Variants in CNBD2 observed in about 807,000 individuals in gnomAD.
CNBD2 encodes cyclic nucleotide-binding domain-containing protein 2.
A neutral mutation model predicts 63.7 loss-of-function variants in CNBD2; 64 were observed. That is an observed-to-expected ratio of 1.00 (90% confidence interval 0.82 to 1.24). The LOEUF (loss-of-function observed/expected upper bound fraction) is 1.24, where lower values mean the gene tolerates loss of function less well. CNBD2 is among the 50% of genes most tolerant of loss of function. The pLI is 0.00. For missense variants in CNBD2, 691 were observed against 713.5 expected (o/e 0.97, Z 0.36); for synonymous variants, 229 against 255.4 (o/e 0.90, Z 0.99).
At chr20:36,008,531 A>G in intron 9 of CNBD2, 57 bp downstream of exon 9, 2 of 1,504,860 alleles carry the variant, frequency 1.3e-6, no homozygotes, top group Non-Finnish European at 1.8e-6. Context: ...AAGGGAGATA[A>G]TACTTATATG....
intron 11 of CNBD2, among the ~76,000 whole-genome samples, chr20:36,026,079 G>A (rs1379822017): frequency 6.6e-6 from 1 of 152,042 alleles, no homozygotes; most frequent in Non-Finnish European, 1.5e-5. Flanking sequence ...TGTCATCCAG[G>A]CTGGCATGCT....
intron 10 of CNBD2, among the ~76,000 whole-genome samples, chr20:36,020,636 C>T (rs2147361213): frequency 6.6e-6 from 1 of 152,298 alleles, no homozygotes; most frequent in South Asian, 2.1e-4. Context: ...TTTTCCACAT[C>T]TGAGGATAAC....
chr20:35,996,220 A>T (rs2056822498), intron 8 of CNBD2, among the ~76,000 whole-genome samples: 1 of 152,176 alleles, frequency 6.6e-6, no homozygotes, highest in Admixed American at 6.5e-5. Flanking sequence ...CCTTGCTAGA[A>T]TATAAGCTCT....
chr20:35,994,589 G>GAA lies in CNBD2; in HGVS notation c.856-439_856-438dup, dbSNP rs1217876629. ...ACATTTTCATTTAAAAAAAAAAAAAGAAAAAAAAAAAGCACCAGGCTGGGC... is the reference window on the plus strand; with the variant it reads ...ACATTTTCATTTAAAAAAAAAAAAAGAAAAAAAAAAAAAGCACCAGGCTGGGC... On this transcript the variant is annotated intron_variant, in intron 7 of 11. Transcript: ENST00000373973. Among the ~76,000 whole-genome samples the GAA allele has an allele frequency of 4.1e-3, 537 of 132,446 alleles. 4 individuals carry two copies. The highest frequency in any genetic ancestry group is 0.014 in the African/African-American group (514 of 36,144). 86.9% of individuals were successfully genotyped at this position (132,446 alleles called of 152,430 possible).
At chr20:36,023,296 G>A (rs537629212) in intron 10 of CNBD2, among the ~76,000 whole-genome samples, 2 of 152,110 alleles carry the variant, frequency 1.3e-5, no homozygotes, top group African/African-American at 4.8e-5. Flanking sequence ...AGACCGAGGC[G>A]GGTAGATCAC....
chr20:35,971,192 C>G (rs1003872413), intron 1 of CNBD2, among the ~76,000 whole-genome samples: 7 of 152,056 alleles, frequency 4.6e-5, no homozygotes, highest in African/African-American at 1.7e-4. Flanking sequence ...CGTGATCCGC[C>G]CGCCTCGGCC....
Position 35,975,349 on chromosome 20 carries a change from G to A in CNBD2, c.190-600G>A, listed in dbSNP as rs1485807130. 7.6e-5 allele frequency among the ~76,000 whole-genome samples: 9 copies of A among 117,846 alleles called. 1 individual carries two copies. Among genetic ancestry groups the A allele is most frequent in the Non-Finnish European group, 1.8e-5 (1 of 55,062 alleles). 77.3% of individuals were successfully genotyped at this position (117,846 alleles called of 152,430 possible). ...GGAGTCTTGCTCTGTTGCCCAGGCT[G>A]GAGTGCAGTGGCGCGATCTCGGCTC... On this transcript the variant is annotated intron_variant, in intron 2 of 11. Coordinates refer to ENST00000373973, the MANE Select transcript of CNBD2 (RefSeq NM_001365709.1).
downstream of CNBD2, among the ~76,000 whole-genome samples, chr20:35,955,588 TA>T (rs1423923236): frequency 1.3e-5 from 2 of 152,154 alleles, no homozygotes; most frequent in Non-Finnish European, 2.9e-5. Flanking sequence ...TTGTTTTTAT[TA>T]GGTAAACTGC....
intron 8 of CNBD2, among the ~76,000 whole-genome samples, chr20:36,001,726 G>C (rs8123275): frequency 0.049 from 7,373 of 150,390 alleles, 188 homozygotes; most frequent in South Asian, 0.19. Flanking sequence ...ACGGGGTCGC[G>C]GCCGGGTAGA....
intron 1 of CNBD2, 127 bp from the exon 2 acceptor site, chr20:35,972,502 C>CCAGCACACTA: frequency 3.4e-6 from 3 of 883,998 alleles, no homozygotes; most frequent in South Asian, 3.3e-5. Flanking sequence ...AACCATCACT[C>CCAGCACACTA]CAGCACACTA....
intron 3 of CNBD2, among the ~76,000 whole-genome samples, chr20:35,977,157 G>C (rs1050952637): frequency 1.3e-5 from 2 of 152,180 alleles, no homozygotes; most frequent in African/African-American, 4.8e-5. Flanking sequence ...CTAGATATGA[G>C]GGCAATTCTG....
intron 7 of CNBD2, among the ~76,000 whole-genome samples, chr20:35,989,453 A>C (rs769550682): frequency 1.3e-5 from 2 of 152,124 alleles, no homozygotes; most frequent in Non-Finnish European, 2.9e-5. Flanking sequence ...ATTGGTGCAA[A>C]CTCTGCAAGT....
chr20:36,017,697 G>A (rs982704291), intron 10 of CNBD2, among the ~76,000 whole-genome samples: 6 of 152,126 alleles, frequency 3.9e-5, no homozygotes, highest in African/African-American at 1.4e-4. Context: ...CATTTATGTA[G>A]CCAGGCACAG....
At chr20:36,001,214 G>A (rs1426346671) in intron 8 of CNBD2, among the ~76,000 whole-genome samples, 10 of 151,690 alleles carry the variant, frequency 6.6e-5, no homozygotes, top group South Asian at 6.3e-4. Context: ...CCACAAAACC[G>A]CCATTGTCAT....
At chr20:35,993,156 A>G (rs1438634628) in intron 7 of CNBD2, among the ~76,000 whole-genome samples, 1 of 104,702 alleles carries the variant, frequency 9.6e-6, no homozygotes, top group Non-Finnish European at 2.6e-5. Flanking sequence ...CAAAAAAAAG[A>G]AAAAAAAAAG....
chr20:35,968,962 A>C (rs2147190065), intron 1 of CNBD2, 149 bp downstream of exon 1: 1 of 610,712 alleles, frequency 1.6e-6, no homozygotes, highest in Non-Finnish European at 2.9e-6. Flanking sequence ...CAAAGGAGGG[A>C]CCCCTGCCCT....
At chr20:36,007,227 C>T (rs931853309) in intron 8 of CNBD2, among the ~76,000 whole-genome samples, 1 of 149,950 alleles carries the variant, frequency 6.7e-6, no homozygotes, top group African/African-American at 2.5e-5. Context: ...TAAGATCATA[C>T]AGTATGGACT....
At chr20:36,002,651 A>G (rs778055900) in intron 8 of CNBD2, among the ~76,000 whole-genome samples, 7 of 152,090 alleles carry the variant, frequency 4.6e-5, no homozygotes, top group Admixed American at 2.0e-4. Context: ...TACACAGTGT[A>G]CCTTTTTGCT....
intron 4 of CNBD2, among the ~76,000 whole-genome samples, chr20:35,981,252 C>T (rs532986079): frequency 6.6e-6 from 1 of 152,202 alleles, no homozygotes; most frequent in South Asian, 2.1e-4. Context: ...CTTTCCCCTT[C>T]CCAAAAATGT....
Sources: gnomAD v4.1 joint callset for allele counts (sites outside exome capture counted in the v4.1 genomes callset) on GRCh38, gnomAD v4.1.1 for gene constraint, MANE v1.5 for transcripts, NCBI Gene and HGNC (gene_info 2026-07-23, HGNC 2026-07-21) for gene names.